The following MLLT3 variants were observed in gnomAD, a reference collection of about 807,000 sequenced individuals.
The protein encoded by MLLT3 is MLLT3 super elongation complex subunit, also known as protein AF-9.
MLLT3 carries 4 observed loss-of-function variants against 53.2 expected under a neutral mutation model. That is an observed-to-expected ratio of 0.08 (90% CI 0.04 to 0.17). The LOEUF is 0.17. Among genes scored for constraint, MLLT3 ranks in the 10% least tolerant of loss-of-function variants. The probability of loss-of-function intolerance (pLI) is 1.00; values close to 1 mark genes in which losing one functional copy is unlikely to be tolerated. For synonymous variants in MLLT3, 283 were observed against 230.6 expected (o/e 1.23, Z -2.06); for missense variants, 569 against 684.0 (o/e 0.83, Z 1.87).
chr9:20,542,236 ATATTTTTTT>A (rs1368946348), intron 2 of MLLT3, among the ~76,000 whole-genome samples: 3 of 136,770 alleles, frequency 2.2e-5, no homozygotes, highest in African/African-American at 8.1e-5. Context: ...ATGAGCAGTA[ATATTTTTTT>A]TTTTTTTTTT....
At chr9:20,551,734 C>T (rs1358641989) in intron 2 of MLLT3, among the ~76,000 whole-genome samples, 2 of 152,130 alleles carry the variant, frequency 1.3e-5, no homozygotes, top group Admixed American at 1.3e-4. Context: ...CATAAATTCC[C>T]AATGATGATA....
chr9:20,474,561 G>A (rs1303632704), intron 2 of MLLT3, among the ~76,000 whole-genome samples: 1 of 151,918 alleles, frequency 6.6e-6, no homozygotes, highest in Non-Finnish European at 1.5e-5. Flanking sequence ...CCTTCATTCG[G>A]CGGAGACCCT....
chr9:20,363,073 T>C (rs927886421), intron 7 of MLLT3: 2 of 158,064 alleles, frequency 1.3e-5, no homozygotes, highest in African/African-American at 4.8e-5. Context: ...GTCACACACA[T>C]AATTCACTGG....
intron 2 of MLLT3, among the ~76,000 whole-genome samples, chr9:20,530,574 T>C (rs1818306057): frequency 6.6e-6 from 1 of 152,224 alleles, no homozygotes; most frequent in African/African-American, 2.4e-5. Context: ...AATCCGTACC[T>C]ATATTATGTC....
chr9:20,550,209 C>G (rs186415303), intron 2 of MLLT3, among the ~76,000 whole-genome samples: 1 of 152,208 alleles, frequency 6.6e-6, no homozygotes, highest in East Asian at 1.9e-4. Flanking sequence ...CTTACTTGCC[C>G]CAAAAGCTCA....
chr9:20,524,331 A>T (rs536739993), intron 2 of MLLT3, among the ~76,000 whole-genome samples: 49 of 152,120 alleles, frequency 3.2e-4, no homozygotes, highest in African/African-American at 1.1e-3. Context: ...TACTATTTGT[A>T]TCAAGATACA....
intron 7 of MLLT3, chr9:20,363,194 C>A (rs1821367977): frequency 3.3e-6 from 1 of 305,236 alleles, no homozygotes; most frequent in Non-Finnish European, 6.0e-6. Flanking sequence ...GACTTTAGTT[C>A]AACAGTCAGT....
rs1820817915 is a variant in MLLT3, at chr9:20,344,543, A to G, written c.*1900T>C. ...CTGCACATCAAGAAGTGGACAATAC[A>G]ACAAATGCTTCAAGTACGGTTCATG... On this transcript the variant is annotated 3_prime_UTR_variant, in exon 11 of 11. Transcript: ENST00000380338. The G allele has an allele frequency of 6.0e-5, 13 of 218,024 alleles. No homozygotes were observed. The East Asian group carries it at 8.8e-4, about 15-fold the overall frequency. 13.5% of individuals were successfully genotyped at this position (218,024 alleles called of 1,614,324 possible).
intron 5 of MLLT3, among the ~76,000 whole-genome samples, chr9:20,382,666 G>A (rs916313162): frequency 6.6e-6 from 1 of 151,878 alleles, no homozygotes; most frequent in Non-Finnish European, 1.5e-5. Context: ...TGATACTACT[G>A]TATGTGTGGT....
chr9:20,346,955 C>T (rs1023585892), intron 10 of MLLT3, among the ~76,000 whole-genome samples: 9 of 150,850 alleles, frequency 6.0e-5, no homozygotes, highest in East Asian at 1.9e-4. Context: ...AAAATCCAGC[C>T]GAGAAATAAC....
chr9:20,387,200 C>G (rs1298798480), intron 5 of MLLT3, among the ~76,000 whole-genome samples: 1 of 152,212 alleles, frequency 6.6e-6, no homozygotes, highest in East Asian at 1.9e-4. Flanking sequence ...CAACTCTACT[C>G]TTGTAGCATG....
intron 5 of MLLT3, among the ~76,000 whole-genome samples, chr9:20,403,935 C>A (rs796487552): frequency 1.3e-5 from 2 of 152,244 alleles, no homozygotes; most frequent in African/African-American, 4.8e-5. Context: ...TGTCCCACCT[C>A]AGCCTCCCAA....
chr9:20,561,378 C>T (rs1429022587), intron 2 of MLLT3, among the ~76,000 whole-genome samples: 2 of 151,912 alleles, frequency 1.3e-5, no homozygotes, highest in Admixed American at 6.6e-5. Context: ...ATAATTAATC[C>T]CAAAATAAAT....
chr9:20,509,969 A>C (rs1040970271), intron 2 of MLLT3, among the ~76,000 whole-genome samples: 2 of 152,106 alleles, frequency 1.3e-5, no homozygotes, highest in Admixed American at 6.5e-5. Flanking sequence ...TGAGAATATC[A>C]ACATTACCTT....
intron 2 of MLLT3, among the ~76,000 whole-genome samples, chr9:20,467,608 G>A (rs1824268392): frequency 6.6e-6 from 1 of 151,994 alleles, no homozygotes; most frequent in Non-Finnish European, 1.5e-5. Flanking sequence ...AAAAATAAAA[G>A]TCGATGAGCA....
intron 2 of MLLT3, among the ~76,000 whole-genome samples, chr9:20,464,716 G>C (rs1424738515): frequency 6.6e-6 from 1 of 151,894 alleles, no homozygotes; most frequent in African/African-American, 2.4e-5. Context: ...ATTTATATTG[G>C]TTACAGAGGA....
chr9:20,375,986 G>A (rs989701541), intron 5 of MLLT3, among the ~76,000 whole-genome samples: 1 of 152,158 alleles, frequency 6.6e-6, no homozygotes, highest in Non-Finnish European at 1.5e-5. Flanking sequence ...GCATTAATAG[G>A]ACCAATGAGC....
At chr9:20,453,063 C>T (rs1823875447) in intron 3 of MLLT3, among the ~76,000 whole-genome samples, 1 of 152,100 alleles carries the variant, frequency 6.6e-6, no homozygotes, top group Non-Finnish European at 1.5e-5. Flanking sequence ...AACAAATATA[C>T]CTAGCTCAGA....
At chr9:20,427,406 T>C (rs766901542) in intron 4 of MLLT3, among the ~76,000 whole-genome samples, 2 of 149,870 alleles carry the variant, frequency 1.3e-5, no homozygotes, top group East Asian at 1.9e-4. Flanking sequence ...AAGATAAATA[T>C]GAATAAACTG....
Sources: gnomAD v4.1 joint callset for allele counts (sites outside exome capture counted in the v4.1 genomes callset) on GRCh38, gnomAD v4.1.1 for gene constraint, MANE v1.5 for transcripts, NCBI Gene and HGNC (gene_info 2026-07-23, HGNC 2026-07-21) for gene names.